The following TAMM41 variants were observed in gnomAD, a reference collection of about 807,000 sequenced individuals.
TAMM41 encodes phosphatidate cytidylyltransferase, mitochondrial.
In TAMM41, 36 loss-of-function variants were observed where a neutral mutation model predicts 44.1. The ratio of observed to expected loss-of-function variants is 0.82; its 90% CI spans 0.63 to 1.08. The LOEUF (loss-of-function observed/expected upper bound fraction) is 1.08, where lower values mean the gene tolerates loss of function less well. TAMM41 is among the 50% of genes least tolerant of loss of function. TAMM41 has a pLI of 0.00. For synonymous variants in TAMM41, 164 were observed against 153.1 expected, an observed-to-expected ratio of 1.07 and a Z score of -0.53; for missense variants, 417 against 404.3, an observed-to-expected ratio of 1.03 and a Z score of -0.27.
the TAMM41 span, among the ~76,000 whole-genome samples, chr3:11,728,708 C>A: frequency 6.6e-6 from 1 of 152,106 alleles, no homozygotes; most frequent in Non-Finnish European, 1.5e-5. Flanking sequence ...GAGATGGACC[C>A]TTTTAAACCT....
chr3:11,740,407 C>T, the TAMM41 span, among the ~76,000 whole-genome samples: 1 of 152,076 alleles, frequency 6.6e-6, no homozygotes, highest in Non-Finnish European at 1.5e-5. Flanking sequence ...CCAATGGAAA[C>T]ATCTTGCACA....
chr3:11,743,945 G>A, the TAMM41 span, among the ~76,000 whole-genome samples: 1 of 152,040 alleles, frequency 6.6e-6, no homozygotes, highest in Non-Finnish European at 1.5e-5. Flanking sequence ...TGAACCAATC[G>A]CTCATCTTTA....
intron 2 of TAMM41, among the ~76,000 whole-genome samples, 160 bp from the exon 3 acceptor site, chr3:11,839,474 A>G (rs2079338150): frequency 6.6e-6 from 1 of 152,188 alleles, no homozygotes; most frequent in Non-Finnish European, 1.5e-5. Flanking sequence ...CATCTCCACC[A>G]AAACTTTTGA....
chr3:11,740,669 G>A, the TAMM41 span, among the ~76,000 whole-genome samples: 12 of 151,712 alleles, frequency 7.9e-5, no homozygotes, highest in African/African-American at 2.4e-4. Flanking sequence ...CACAACCTCC[G>A]CCTCCTGGGT....
At chr3:11,769,027 G>C in the TAMM41 span, among the ~76,000 whole-genome samples, 1 of 152,202 alleles carries the variant, frequency 6.6e-6, no homozygotes, top group Non-Finnish European at 1.5e-5. Context: ...AGAGCCGAGG[G>C]TGAGCAGAGA....
chr3:11,799,093 T>G (rs1158721486), intron 7 of TAMM41, among the ~76,000 whole-genome samples: 1 of 152,008 alleles, frequency 6.6e-6, no homozygotes, highest in East Asian at 1.9e-4. Context: ...GGTGTGGTAT[T>G]GCATCCTTTA....
chr3:11,772,508 C>T, the TAMM41 span, among the ~76,000 whole-genome samples: 1 of 152,120 alleles, frequency 6.6e-6, no homozygotes, highest in South Asian at 2.1e-4. Flanking sequence ...TTCCATGTTG[C>T]TGCAAAAGAC....
Position 11,844,230 on chromosome 3 carries a change from A to G in TAMM41, c.136-19T>C. ...TAGCATTCTGTGGAGTGAAGAAAAG[A>G]GAATAATTTCAGTATTAATTCCTAG... On this transcript the variant is annotated intron_variant, in intron 1 of 7. Transcript: ENST00000455809. The G allele has an allele frequency of 6.2e-7, 1 of 1,608,630 alleles. No homozygotes were observed. The highest frequency in any genetic ancestry group is 8.5e-7 in the Non-Finnish European group (1 of 1,177,176).
intron 4 of TAMM41, among the ~76,000 whole-genome samples, chr3:11,819,746 A>T (rs2078435975): frequency 6.6e-6 from 1 of 152,022 alleles, no homozygotes; most frequent in Non-Finnish European, 1.5e-5. Flanking sequence ...TTTTTTTTTT[A>T]AGCATACCAA....
chr3:11,810,503 A>T (rs1047539207), intron 5 of TAMM41, among the ~76,000 whole-genome samples: 3 of 152,228 alleles, frequency 2.0e-5, no homozygotes, highest in African/African-American at 7.2e-5. Context: ...ATGAATTTTT[A>T]AAAATCTTGT....
At chr3:11,833,385 G>A (rs906907513) in intron 3 of TAMM41, among the ~76,000 whole-genome samples, 1 of 152,188 alleles carries the variant, frequency 6.6e-6, no homozygotes, top group Non-Finnish European at 1.5e-5. Context: ...GTCACAAGGA[G>A]AGACTACTTG....
chr3:11,741,841 A>C, the TAMM41 span, among the ~76,000 whole-genome samples: 2 of 149,998 alleles, frequency 1.3e-5, no homozygotes, highest in Admixed American at 1.3e-4. Flanking sequence ...GGTTACTGGA[A>C]CACAAGCACT....
At chr3:11,806,229 G>C (rs565452253) in intron 7 of TAMM41, among the ~76,000 whole-genome samples, 1 of 152,324 alleles carries the variant, frequency 6.6e-6, no homozygotes, top group East Asian at 1.9e-4. Flanking sequence ...ATCCCGAGCA[G>C]CTGGCACATG....
chr3:11,773,033 T>C, the TAMM41 span, among the ~76,000 whole-genome samples: 1 of 152,176 alleles, frequency 6.6e-6, no homozygotes, highest in African/African-American at 2.4e-5. Flanking sequence ...CACAGCTCAC[T>C]GCAACCTTCG....
At chr3:11,768,145 G>T in the TAMM41 span, among the ~76,000 whole-genome samples, 3 of 147,604 alleles carry the variant, frequency 2.0e-5, no homozygotes, top group East Asian at 2.0e-4. Context: ...AAACTTTTTT[G>T]TTTTTTTTTT....
chr3:11,749,938 C>T, the TAMM41 span, among the ~76,000 whole-genome samples: 1 of 151,130 alleles, frequency 6.6e-6, no homozygotes, highest in Non-Finnish European at 1.5e-5. Flanking sequence ...TGCTCTGTTG[C>T]CCAGGCTGGA....
downstream of TAMM41, chr3:11,790,358 C>T: frequency 1.3e-6 from 1 of 748,048 alleles, no homozygotes; most frequent in South Asian, 1.6e-5. Context: ...GGATAAATGT[C>T]TGATGCATAC....
chr3:11,786,880 C>A (rs1378915730), downstream of TAMM41, among the ~76,000 whole-genome samples: 1 of 152,210 alleles, frequency 6.6e-6, no homozygotes, highest in East Asian at 1.9e-4. Flanking sequence ...ACGTGTGAGC[C>A]ACCACGCCTG....
At chr3:11,745,827 T>A in the TAMM41 span, among the ~76,000 whole-genome samples, 6 of 152,212 alleles carry the variant, frequency 3.9e-5, no homozygotes, top group Admixed American at 3.9e-4. Flanking sequence ...ATCAAGATGC[T>A]AAATTTGAAG....
Sources: gnomAD v4.1 joint callset for allele counts (sites outside exome capture counted in the v4.1 genomes callset) on GRCh38, gnomAD v4.1.1 for gene constraint, MANE v1.5 for transcripts, NCBI Gene and HGNC (gene_info 2026-07-23, HGNC 2026-07-21) for gene names.